EFCAB6: variants seen among roughly 807,000 people sequenced by gnomAD.
EFCAB6 encodes EF-hand calcium binding domain 6, also known as EF-hand calcium-binding domain-containing protein 6.
In EFCAB6, 156 loss-of-function variants were observed where a neutral mutation model predicts 169.8. The ratio of observed to expected loss-of-function variants is 0.92; its 90% CI spans 0.81 to 1.05. EFCAB6 has a LOEUF of 1.05. Among genes scored for constraint, EFCAB6 ranks in the 50% least tolerant of loss-of-function variants. EFCAB6 has a pLI of 0.00. For synonymous variants in EFCAB6, 698 were observed against 676.4 expected (o/e 1.03, Z -0.50); for missense variants, 1,800 against 1,829.1 (o/e 0.98, Z 0.29).
chr22:43,628,373 C>T lies in EFCAB6; in HGVS notation c.2233-1694G>A, dbSNP rs2054673363. Among the ~76,000 whole-genome samples, 1 of 152,168 alleles carries T rather than the reference C, an allele frequency of 6.6e-6. No homozygotes were observed. Among genetic ancestry groups the T allele is most frequent in the Non-Finnish European group, 1.5e-5 (1 of 68,030 alleles). ...AGCACTGGACCCCCTCTCCCAGGCACACCACCTCGGCCCCCACCCAAGGTC... is the reference window on the plus strand; with the variant it reads ...AGCACTGGACCCCCTCTCCCAGGCATACCACCTCGGCCCCCACCCAAGGTC... On this transcript the variant is annotated intron_variant, in intron 19 of 31. Transcript: ENST00000262726. The surrounding 1 kb of genome is among the most constrained non-coding windows in gnomAD (Gnocchi z 4.8).
chr22:43,725,642 G>C (rs986428897), intron 8 of EFCAB6, among the ~76,000 whole-genome samples: 13 of 152,188 alleles, frequency 8.5e-5, no homozygotes, highest in African/African-American at 2.4e-4. Context: ...CTGACACCAT[G>C]AGTTTTACAC....
At chr22:43,611,008 G>T (rs1372919500) in intron 21 of EFCAB6, among the ~76,000 whole-genome samples, 3 of 152,168 alleles carry the variant, frequency 2.0e-5, no homozygotes, top group Non-Finnish European at 2.9e-5. Flanking sequence ...AACTTTACAG[G>T]AACTTATGTC....
intron 3 of EFCAB6, among the ~76,000 whole-genome samples, chr22:43,777,288 G>A (rs2061671618): frequency 6.6e-6 from 1 of 152,210 alleles, no homozygotes; most frequent in African/African-American, 2.4e-5. Context: ...GGTCCGCGAG[G>A]CAACTGGATA....
At position 43,784,718 on chromosome 22, in the gene EFCAB6, C is replaced by CATAT. The variant is rs1226581072; in HGVS notation, c.-7-2397_-7-2394dup. 8.8e-3 allele frequency among the ~76,000 whole-genome samples: 987 copies of CATAT among 112,122 alleles called. 11 individuals carry two copies. Among genetic ancestry groups the CATAT allele is most frequent in the African/African-American group, 0.033 (949 of 28,906 alleles). 73.6% of individuals were successfully genotyped at this position (112,122 alleles called of 152,430 possible). A position where few individuals can be genotyped will look rare whatever the true frequency, so the allele number is the denominator to read the frequency against. ...ACACACACACACACACACACACACA[C>CATAT]ATATATATATATGCCAGGCATGGTG... On this transcript the variant is annotated intron_variant, in intron 2 of 31. Coordinates refer to ENST00000262726, the MANE Select transcript of EFCAB6 (RefSeq NM_022785.4).
rs375787540 is a variant in EFCAB6 at position 43,802,978 on chromosome 22, T to C, written c.-8+6017A>G. 7.9e-5 allele frequency among the ~76,000 whole-genome samples: 12 copies of C among 152,360 alleles called. No homozygotes were observed. The South Asian group carries it at 2.1e-3, about 26-fold the overall frequency. On this transcript the variant is annotated intron_variant, in intron 2 of 31. Transcript: ENST00000262726. ...ATGTGGAAAAAACACCTTTCTCTTCTAGTTTTGAGAGACTTCCTCTTGGCT... is the reference window on the plus strand; with the variant it reads ...ATGTGGAAAAAACACCTTTCTCTTCCAGTTTTGAGAGACTTCCTCTTGGCT...
intron 4 of EFCAB6, among the ~76,000 whole-genome samples, chr22:43,770,011 T>G (rs1033087847): frequency 1.3e-5 from 2 of 151,946 alleles, no homozygotes; most frequent in African/African-American, 4.8e-5. Flanking sequence ...TGTGCCACCA[T>G]GTCCATCTAA....
At chr22:43,752,593 T>A (rs1447114361) in intron 6 of EFCAB6, among the ~76,000 whole-genome samples, 4 of 152,150 alleles carry the variant, frequency 2.6e-5, no homozygotes. Flanking sequence ...GCTTTAGGTG[T>A]GGGGCATAAT....
At chr22:43,644,046 A>G (rs1226686367) in intron 17 of EFCAB6, among the ~76,000 whole-genome samples, 5 of 151,418 alleles carry the variant, frequency 3.3e-5, no homozygotes, top group Non-Finnish European at 5.9e-5. Flanking sequence ...CTGGTCTCCA[A>G]CTCCTGACCT....
intron 6 of EFCAB6, among the ~76,000 whole-genome samples, chr22:43,739,157 T>G (rs2147719913): frequency 6.6e-6 from 1 of 152,366 alleles, no homozygotes; most frequent in Non-Finnish European, 1.5e-5. Flanking sequence ...CAATCACTTT[T>G]GTCCACACTA....
At chr22:43,600,987 A>C (rs1276781964) in intron 22 of EFCAB6, among the ~76,000 whole-genome samples, 2 of 152,200 alleles carry the variant, frequency 1.3e-5, no homozygotes, top group Non-Finnish European at 2.9e-5. Context: ...TTAAAATTGA[A>C]TACTTACCTG....
intron 11 of EFCAB6, 51 bp downstream of exon 11, chr22:43,687,420 A>T (rs531661493): frequency 1.9e-6 from 2 of 1,067,294 alleles, no homozygotes; most frequent in African/African-American, 1.6e-5. Flanking sequence ...GATATTTTAC[A>T]TATTATGATA....
At chr22:43,658,569 G>T (rs1226737573) in intron 17 of EFCAB6, among the ~76,000 whole-genome samples, 1 of 152,186 alleles carries the variant, frequency 6.6e-6, no homozygotes, top group Non-Finnish European at 1.5e-5. Context: ...AGCCCAGGGA[G>T]AAAGGCCCTG....
Position 43,716,932 on chromosome 22 carries a change from C to A in EFCAB6, c.798G>T (p.Lys266Asn). 3 of 1,574,536 alleles carry A rather than the reference C, an allele frequency of 1.9e-6. No individual in the cohort carries two copies. The highest frequency in any genetic ancestry group is 2.6e-6 in the Non-Finnish European group (3 of 1,162,454). The change falls in exon 9 of 32, where the codon AAG becomes AAT. Residue 266 changes from lysine (K) to asparagine (N), a missense_variant. Lys to Asn is a moderately conservative substitution (Grantham distance 94, BLOSUM62 0). Coordinates refer to ENST00000262726, the MANE Select transcript of EFCAB6 (RefSeq NM_022785.4). Reference sequence around the variant, plus strand: ...ATGATGCAGAACCTAGCAAACGTTCCTTTTTGGAATTTTTGGCTTGTTGAT... The same window carrying A: ...ATGATGCAGAACCTAGCAAACGTTCATTTTTGGAATTTTTGGCTTGTTGAT... Reference protein sequence around the residue: ...LENQQAKNSKKERLLGSASSE... With the variant: ...LENQQAKNSKNERLLGSASSE...
chr22:43,708,543 T>C (rs2147345966), intron 10 of EFCAB6, among the ~76,000 whole-genome samples: 1 of 151,996 alleles, frequency 6.6e-6, no homozygotes, highest in Admixed American at 6.6e-5. Context: ...CAGACTAAAC[T>C]TGACAGTGAA....
intron 6 of EFCAB6, among the ~76,000 whole-genome samples, chr22:43,750,534 C>G (rs972880696): frequency 1.3e-5 from 2 of 152,114 alleles, no homozygotes; most frequent in Admixed American, 6.5e-5. Flanking sequence ...GCAATTAATA[C>G]CAAGTGCAGC....
At chr22:43,677,302 T>A (rs1478500418) in intron 13 of EFCAB6, among the ~76,000 whole-genome samples, 1 of 152,002 alleles carries the variant, frequency 6.6e-6, no homozygotes, top group Non-Finnish European at 1.5e-5. Flanking sequence ...GGTACGAAAC[T>A]CTAAAAACAT....
chr22:43,613,705 C>T (rs775980286), intron 21 of EFCAB6, among the ~76,000 whole-genome samples: 17 of 152,026 alleles, frequency 1.1e-4, no homozygotes, highest in Non-Finnish European at 1.8e-4. Flanking sequence ...TATAACAAAC[C>T]GCCACGGCAT....
chr22:43,683,842 T>A lies in EFCAB6; in HGVS notation c.1156A>T (p.Asn386Tyr). Residue 386 changes from asparagine (N) to tyrosine (Y), a missense_variant, in exon 12 of 32, where the codon AAT (asparagine) becomes TAT (tyrosine). Asn to Tyr is a moderately radical substitution (Grantham distance 143). Coordinates refer to ENST00000262726, the MANE Select transcript of EFCAB6 (RefSeq NM_022785.4). ...LTKRNSINSRNESHKENIITK... is the reference protein window; with the variant it reads ...LTKRNSINSRYESHKENIITK... The stretch of plus-strand genomic sequence containing the variant: ...ATGATGTTTTCCTTGTGAGATTCAT[T>A]TCTAGAGTTGATGCTACAAGAGGAT... 1 of 1,610,474 alleles carries A rather than the reference T, an allele frequency of 6.2e-7. No individual in the cohort carries two copies. The highest frequency in any genetic ancestry group is 8.5e-7 in the Non-Finnish European group (1 of 1,176,726).
intron 17 of EFCAB6, 78 bp from the exon 18 acceptor site, chr22:43,635,294 T>C (rs2055304493): frequency 5.8e-6 from 6 of 1,041,984 alleles, no homozygotes; most frequent in Non-Finnish European, 4.5e-6. Context: ...CTCCTGCCCC[T>C]GTGCTGGCTC....
Sources: gnomAD v4.1 joint callset for allele counts (sites outside exome capture counted in the v4.1 genomes callset) on GRCh38, gnomAD v4.1.1 for gene constraint, Gnocchi (gnomAD v3.1) non-coding constraint, MANE v1.5 for transcripts, NCBI Gene and HGNC (gene_info 2026-07-23, HGNC 2026-07-21) for gene names.